The following MYRIP variants were observed in gnomAD, a reference collection of about 807,000 sequenced individuals.
The protein encoded by MYRIP is myosin VIIA and Rab interacting protein.
MYRIP carries 49 observed loss-of-function variants against 98.0 expected under a neutral mutation model. That is an observed-to-expected ratio of 0.50 (90% CI 0.40 to 0.63). The LOEUF (loss-of-function observed/expected upper bound fraction) is 0.63. MYRIP is among the 30% of genes least tolerant of loss of function. The pLI, the probability that MYRIP is intolerant of heterozygous loss-of-function variation, is 0.00. For synonymous variants in MYRIP, 404 were observed against 409.5 expected (o/e 0.99, Z 0.16); for missense variants, 1,004 against 1,058.2 (o/e 0.95, Z 0.71).
At position 40,108,174 on chromosome 3, in the gene MYRIP, T is replaced by TGAGAGA. The variant is rs72224557; in HGVS notation, c.333-42840_333-42835dup. On this transcript the variant is annotated intron_variant, in intron 3 of 16. Coordinates refer to ENST00000302541, the MANE Select transcript of MYRIP (RefSeq NM_015460.4). ...CTTAGTTATGAGTTAGCAGTGTTTG[T>TGAGAGA]GAGAGAGAGAGAGAGAGAGAGAGAG... is the stretch of plus-strand genomic sequence containing the variant. Among the ~76,000 whole-genome samples, 731 of 138,272 alleles carry TGAGAGA rather than the reference T, an allele frequency of 5.3e-3. 12 individuals are homozygous for TGAGAGA. Among genetic ancestry groups the TGAGAGA allele is most frequent in the African/African-American group, 0.017 (627 of 37,490 alleles). The allele number at this position is 138,272 out of a possible 152,430, so 90.7% of individuals were successfully genotyped here. A position where few individuals can be genotyped will look rare whatever the true frequency, so the allele number is the denominator to read the frequency against.
At chr3:39,942,095 T>C (rs370963700) in intron 2 of MYRIP, among the ~76,000 whole-genome samples, 39 of 152,180 alleles carry the variant, frequency 2.6e-4, no homozygotes, top group African/African-American at 8.4e-4. Context: ...CTTTAGTTAC[T>C]GTAAATTAAG....
At chr3:40,038,147 C>A (rs1390648113) in intron 2 of MYRIP, among the ~76,000 whole-genome samples, 2 of 151,642 alleles carry the variant, frequency 1.3e-5, no homozygotes, top group African/African-American at 4.8e-5. Context: ...AAGTTAATAA[C>A]AAAAGCCACA....
intron 2 of MYRIP, among the ~76,000 whole-genome samples, chr3:40,032,113 C>T (rs1427658476): frequency 6.6e-6 from 1 of 151,980 alleles, no homozygotes; most frequent in African/African-American, 2.4e-5. Flanking sequence ...CCTGCTTTCT[C>T]TTGTGGGCAT....
chr3:40,087,875 G>T (rs759011705), intron 3 of MYRIP, among the ~76,000 whole-genome samples: 2 of 152,200 alleles, frequency 1.3e-5, no homozygotes, highest in Non-Finnish European at 2.9e-5. Flanking sequence ...TCTGTGACCA[G>T]CTGGCAGGTA....
intron 1 of MYRIP, among the ~76,000 whole-genome samples, chr3:39,827,656 A>C (rs1458263578): frequency 2.6e-5 from 4 of 151,830 alleles, no homozygotes; most frequent in African/African-American, 9.7e-5. Context: ...TGCCTTTACC[A>C]GTGAGTTTTG....
At chr3:39,823,492 C>T (rs2125575724) in intron 1 of MYRIP, among the ~76,000 whole-genome samples, 1 of 152,252 alleles carries the variant, frequency 6.6e-6, no homozygotes, top group African/African-American at 2.4e-5. Context: ...TGTTTTCTTT[C>T]CTCCACATCC....
chr3:39,896,482 T>G (rs1575356318), intron 1 of MYRIP, among the ~76,000 whole-genome samples: 2 of 152,310 alleles, frequency 1.3e-5, no homozygotes, highest in East Asian at 3.9e-4. Flanking sequence ...TCATTATTAG[T>G]GTTGTTGTTT....
intron 3 of MYRIP, among the ~76,000 whole-genome samples, chr3:40,130,187 C>T (rs1012002857): frequency 3.3e-5 from 5 of 152,074 alleles, no homozygotes; most frequent in Non-Finnish European, 7.4e-5. Context: ...GGCACTGACC[C>T]AAGAATGATG....
intron 3 of MYRIP, among the ~76,000 whole-genome samples, chr3:40,137,042 A>G (rs1259851436): frequency 6.6e-6 from 1 of 152,218 alleles, no homozygotes; most frequent in Non-Finnish European, 1.5e-5. Flanking sequence ...TCAGAGCAGA[A>G]CTGAAGGAAA....
At chr3:39,944,422 T>C (rs1294786254) in intron 2 of MYRIP, among the ~76,000 whole-genome samples, 1 of 151,898 alleles carries the variant, frequency 6.6e-6, no homozygotes, top group African/African-American at 2.4e-5. Context: ...AAAGATATGG[T>C]AAGTGAAAAT....
At chr3:39,877,171 G>A (rs189783614) in intron 1 of MYRIP, among the ~76,000 whole-genome samples, 32 of 152,190 alleles carry the variant, frequency 2.1e-4, no homozygotes, top group African/African-American at 6.5e-4. Flanking sequence ...CATAGTTCTC[G>A]AGCCTTGGTT....
rs566332589 is a variant in MYRIP, at chr3:40,114,608, A to G, written c.333-36440A>G. Among the ~76,000 whole-genome samples, 177 of 152,388 alleles carry G rather than the reference A, an allele frequency of 1.2e-3. 2 individuals are homozygous for G. In the South Asian group the frequency reaches 0.034, roughly 30 times the overall value. On this transcript the variant is annotated intron_variant, in intron 3 of 16. Coordinates refer to ENST00000302541, the MANE Select transcript of MYRIP (RefSeq NM_015460.4). ...ACAAATCAATGGCAACAAGCCAAGAAAGAAAAAAGGAGCAAAGTTCAGAGA... is the reference window on the plus strand; with the variant it reads ...ACAAATCAATGGCAACAAGCCAAGAGAGAAAAAAGGAGCAAAGTTCAGAGA...
Position 40,012,618 on chromosome 3 carries a change from G to A in MYRIP, c.111-31432G>A, listed in dbSNP as rs9812428. The stretch of plus-strand genomic sequence containing the variant: ...CTTAGTGAAGCAGATCATTCTCCCC[G>A]CTTGTGGATGGGCATCATCCAATCC... On this transcript the variant is annotated intron_variant, in intron 2 of 16. Transcript: ENST00000302541. Among the ~76,000 whole-genome samples the A allele has an allele frequency of 7.3e-3, 1,113 of 152,226 alleles. 16 individuals are homozygous for A. Among genetic ancestry groups the A allele is most frequent in the African/African-American group, 0.025 (1,055 of 41,548 alleles).
At chr3:40,249,508 A>C (rs530036342) in intron 13 of MYRIP, among the ~76,000 whole-genome samples, 93 of 152,228 alleles carry the variant, frequency 6.1e-4, no homozygotes, top group Non-Finnish European at 1.1e-3. Context: ...AACACTTAGC[A>C]TGGTTCCTGG....
intron 2 of MYRIP, among the ~76,000 whole-genome samples, chr3:40,014,184 A>G (rs1946815273): frequency 6.6e-6 from 1 of 152,222 alleles, no homozygotes; most frequent in South Asian, 2.1e-4. Context: ...ATTTCTACCC[A>G]TATAAACAAA....
In MYRIP at chr3:40,190,363, G is replaced by C. The variant is rs753608593; in HGVS notation, c.1565G>C (p.Arg522Pro). ...GAGGAGGCCCCCCACACCACAGACC[G>C]GCGGGCCAGGAGGTGGAGAAGAGCC... ...EPEEAPHTTD[R>P]RARRWRRARL... The change falls in exon 10 of 17, where the codon CGG becomes CCG. Residue 522 changes from arginine (R) to proline (P), a missense_variant. Coordinates refer to ENST00000302541, the MANE Select transcript of MYRIP (RefSeq NM_015460.4). 4 of 1,613,816 alleles carry C rather than the reference G, an allele frequency of 2.5e-6. No homozygotes were observed. The highest frequency in any genetic ancestry group is 3.4e-6 in the Non-Finnish European group (4 of 1,179,892).
At chr3:40,238,771 A>G (rs72858634) in intron 12 of MYRIP, 1 of 152,230 alleles carries the variant, frequency 6.6e-6, no homozygotes, top group Non-Finnish European at 1.5e-5. Flanking sequence ...AAAGGAAAAA[A>G]AAATAAAAAT....
intron 16 of MYRIP, among the ~76,000 whole-genome samples, chr3:40,254,336 T>C (rs1411269689): frequency 1.3e-5 from 2 of 151,994 alleles, no homozygotes; most frequent in Non-Finnish European, 1.5e-5. Context: ...CATGCCTTTG[T>C]CTGGCTCAGT....
intron 1 of MYRIP, among the ~76,000 whole-genome samples, chr3:39,889,175 C>G (rs930747350): frequency 5.9e-5 from 9 of 152,180 alleles, no homozygotes; most frequent in Admixed American, 5.9e-4. Flanking sequence ...CATCCCATTA[C>G]TGGGTATATA....
Sources: allele counts gnomAD v4.1 joint callset (sites outside exome capture counted in the v4.1 genomes callset), GRCh38; gene constraint gnomAD v4.1.1; transcripts MANE v1.5; gene names NCBI Gene and HGNC (gene_info 2026-07-23, HGNC 2026-07-21).